The following KDM4C variants were observed in gnomAD, a reference collection of about 807,000 sequenced individuals.
The protein encoded by KDM4C is lysine-specific demethylase 4C.
Under a neutral mutation model 129.3 loss-of-function variants are expected in KDM4C, and 81 were observed. The observed-to-expected ratio is 0.63, with a 90% confidence interval of 0.52 to 0.75. The LOEUF is 0.75. Ranked by LOEUF, KDM4C falls within the 30% of genes least tolerant of loss-of-function variation. The pLI is 0.00. For missense variants in KDM4C, 1,457 were observed against 1,304.0 expected (o/e 1.12, Z -1.81); for synonymous variants, 573 against 456.1 (o/e 1.26, Z -3.26).
chr9:7,123,254 T>C (rs961688127), intron 18 of KDM4C, among the ~76,000 whole-genome samples: 1 of 152,208 alleles, frequency 6.6e-6, no homozygotes, highest in African/African-American at 2.4e-5. Flanking sequence ...GCCTCTTCCT[T>C]ATAAAGCCTG....
intron 3 of KDM4C, among the ~76,000 whole-genome samples, chr9:6,806,213 G>C (rs529952677): frequency 3.0e-4 from 46 of 152,248 alleles, no homozygotes; most frequent in African/African-American, 1.1e-3. Context: ...ATCCCAAATT[G>C]GCCAGGCATG....
At chr9:6,851,649 A>G (rs925030070) in intron 5 of KDM4C, among the ~76,000 whole-genome samples, 8 of 152,156 alleles carry the variant, frequency 5.3e-5, no homozygotes, top group South Asian at 4.2e-4. Context: ...ATAAATGAGG[A>G]TGCCTGGGAC....
intron 19 of KDM4C, among the ~76,000 whole-genome samples, chr9:7,146,760 T>A (rs1842252573): frequency 6.6e-6 from 1 of 152,208 alleles, no homozygotes; most frequent in Non-Finnish European, 1.5e-5. Flanking sequence ...GAGTCACTCT[T>A]CTCTACCAGT....
intron 15 of KDM4C, among the ~76,000 whole-genome samples, chr9:7,045,384 C>T (rs1829248372): frequency 1.3e-5 from 2 of 152,064 alleles, no homozygotes; most frequent in Admixed American, 6.6e-5. Context: ...AAGTACTTGA[C>T]CTCAAGTTTT....
chr9:6,784,629 C>T (rs1288523551), intron 1 of KDM4C, among the ~76,000 whole-genome samples: 2 of 152,230 alleles, frequency 1.3e-5, no homozygotes, highest in Non-Finnish European at 2.9e-5. Context: ...TGAGTCTGCT[C>T]TTCCATTCCT....
intron 15 of KDM4C, among the ~76,000 whole-genome samples, chr9:7,041,416 G>C (rs926890547): frequency 6.6e-6 from 1 of 151,908 alleles, no homozygotes; most frequent in African/African-American, 2.4e-5. Flanking sequence ...TGGATACTGA[G>C]GGTCGACTGT....
At chr9:6,947,209 T>C (rs1021273944) in intron 8 of KDM4C, among the ~76,000 whole-genome samples, 4 of 152,192 alleles carry the variant, frequency 2.6e-5, no homozygotes, top group Admixed American at 2.0e-4. Context: ...ACCGTACTTC[T>C]GTTCTGATTT....
chr9:7,124,337 G>A (rs1195155617), intron 18 of KDM4C, among the ~76,000 whole-genome samples: 1 of 152,216 alleles, frequency 6.6e-6, no homozygotes, highest in Non-Finnish European at 1.5e-5. Context: ...TTGACAGAGA[G>A]GGCAACATCT....
intron 17 of KDM4C, among the ~76,000 whole-genome samples, chr9:7,094,850 C>T (rs895124768): frequency 6.6e-6 from 1 of 152,102 alleles, no homozygotes; most frequent in Non-Finnish European, 1.5e-5. Flanking sequence ...AGACAAGAGG[C>T]AAAGAGGTTG....
At chr9:6,888,201 A>G (rs192175587) in intron 7 of KDM4C, 138 bp downstream of exon 7, 348 of 414,674 alleles carry the variant, frequency 8.4e-4, no homozygotes, top group Non-Finnish European at 1.3e-3. Context: ...TAGCATATCA[A>G]TTATTTATCT....
intron 3 of KDM4C, among the ~76,000 whole-genome samples, chr9:6,813,267 C>G (rs1366593997): frequency 6.6e-6 from 1 of 152,198 alleles, no homozygotes; most frequent in Non-Finnish European, 1.5e-5. Flanking sequence ...AACTCCTGAG[C>G]TCAAATGATC....
intron 1 of KDM4C, among the ~76,000 whole-genome samples, chr9:6,771,557 T>G (rs1298179969): frequency 1.3e-5 from 2 of 151,254 alleles, no homozygotes; most frequent in Non-Finnish European, 3.0e-5. Flanking sequence ...GTTATCCACC[T>G]GCCTTGGCCT....
intron 17 of KDM4C, among the ~76,000 whole-genome samples, chr9:7,052,149 TTTTTTTC>T (rs1830236374): frequency 1.3e-5 from 2 of 152,214 alleles, no homozygotes; most frequent in Non-Finnish European, 2.9e-5. Context: ...CAAACCTGGA[TTTTTTTC>T]TTTTTTCAAA....
chr9:6,941,148 A>T (rs1825864606), intron 8 of KDM4C, among the ~76,000 whole-genome samples: 1 of 151,816 alleles, frequency 6.6e-6, no homozygotes, highest in Non-Finnish European at 1.5e-5. Flanking sequence ...CTTGTGCCTC[A>T]GCCTCCCAAG....
In KDM4C at chr9:6,984,093, C is replaced by T. The variant is rs1817250566; in HGVS notation, c.1116-73C>T. On this transcript the variant is annotated intron_variant, in intron 9 of 21. Coordinates refer to ENST00000381309, the MANE Select transcript of KDM4C (RefSeq NM_015061.6). ...TCCTTCTTTAAGCAAGTGAAAATGA[C>T]ATTTATATTGGGATGTGTTTTTCAT... is the stretch of plus-strand genomic sequence containing the variant. 8 of 900,500 alleles carry T rather than the reference C, an allele frequency of 8.9e-6. No homozygotes were observed. The South Asian group carries it at 9.6e-5, about 11-fold the overall frequency. The allele number at this position is 900,500 out of a possible 1,614,324, so 55.8% of individuals were successfully genotyped here.
chr9:7,061,200 T>A (rs1359650091), intron 17 of KDM4C, among the ~76,000 whole-genome samples: 2 of 152,178 alleles, frequency 1.3e-5, no homozygotes, highest in Non-Finnish European at 2.9e-5. Flanking sequence ...TTACATACAG[T>A]GGTTGGATAG....
At chr9:6,857,971 C>T (rs774413442) in intron 5 of KDM4C, among the ~76,000 whole-genome samples, 2 of 139,926 alleles carry the variant, frequency 1.4e-5, no homozygotes, top group African/African-American at 5.5e-5. Context: ...GCTATGTTGC[C>T]CAGGCTGGCC....
At chr9:6,950,974 C>A (rs1828038984) in intron 8 of KDM4C, among the ~76,000 whole-genome samples, 1 of 152,106 alleles carries the variant, frequency 6.6e-6, no homozygotes, top group South Asian at 2.1e-4. Context: ...AGTACTTATT[C>A]TTTGCCATCT....
At chr9:7,135,338 T>TTATTCCCA (rs1841083408) in intron 19 of KDM4C, among the ~76,000 whole-genome samples, 1 of 152,190 alleles carries the variant, frequency 6.6e-6, no homozygotes, top group African/African-American at 2.4e-5. Flanking sequence ...CATTGGGAAC[T>TTATTCCCA]TATTCCCAAA....
Sources: allele counts gnomAD v4.1 joint callset (sites outside exome capture counted in the v4.1 genomes callset), GRCh38; gene constraint gnomAD v4.1.1; transcripts MANE v1.5; gene names NCBI Gene and HGNC (gene_info 2026-07-23, HGNC 2026-07-21).